The following CYFIP1 variants were observed in gnomAD, a reference collection of about 807,000 sequenced individuals.
CYFIP1 encodes cytoplasmic FMR1-interacting protein 1.
CYFIP1 carries 58 observed loss-of-function variants against 163.5 expected under a neutral mutation model. The ratio of observed to expected loss-of-function variants is 0.35; its 90% confidence interval spans 0.29 to 0.44. The LOEUF (loss-of-function observed/expected upper bound fraction) is 0.44, where lower values mean the gene tolerates loss of function less well. CYFIP1 is among the 20% of genes least tolerant of loss of function. The pLI, the probability that CYFIP1 is intolerant of heterozygous loss-of-function variation, is 1.00. For missense variants in CYFIP1, 1,338 were observed against 1,653.8 expected (o/e 0.81, Z 3.31); for synonymous variants, 663 against 660.7 (o/e 1.00, Z -0.05).
At chr15:22,975,072 G>A (rs2063220226) in intron 1 of CYFIP1, among the ~76,000 whole-genome samples, 1 of 152,040 alleles carries the variant, frequency 6.6e-6, no homozygotes, top group Admixed American at 6.6e-5. Flanking sequence ...TCTTCCTCAT[G>A]ATTTTCTTAA....
At chr15:22,881,238 C>T (rs1199255392) in intron 25 of CYFIP1, among the ~76,000 whole-genome samples, 1 of 152,224 alleles carries the variant, frequency 6.6e-6, no homozygotes, top group South Asian at 2.1e-4. Context: ...CTTTACAACA[C>T]AAGGCTAGTG....
intron 23 of CYFIP1, among the ~76,000 whole-genome samples, chr15:22,889,522 A>C (rs1044651436): frequency 6.6e-6 from 1 of 152,170 alleles, no homozygotes; most frequent in Non-Finnish European, 1.5e-5. Context: ...CAAAGATGTC[A>C]CCACAGTGCT....
rs74003079 is a variant in CYFIP1 at position 22,895,840 on chromosome 15, G to C, written c.2589-2863C>G. Reference sequence around the variant, plus strand: ...CACCACAGCCCAAGTGAGCGCCCCTGGCTGGCAGTACCCTGAGGAGCGTCC... The same window carrying C: ...CACCACAGCCCAAGTGAGCGCCCCTCGCTGGCAGTACCCTGAGGAGCGTCC... On this transcript the variant is annotated intron_variant, in intron 22 of 30. Transcript: ENST00000617928. Among the ~76,000 whole-genome samples, 1,112 of 152,310 alleles carry C rather than the reference G, an allele frequency of 7.3e-3. 11 individuals carry two copies. The highest frequency in any genetic ancestry group is 0.025 in the African/African-American group (1,045 of 41,556).
chr15:22,943,948 G>A lies in CYFIP1; in HGVS notation c.388-594C>T, dbSNP rs561383432. Among the ~76,000 whole-genome samples the A allele has an allele frequency of 2.0e-4, 31 of 152,214 alleles. No individual in the cohort carries two copies. In the South Asian group the frequency reaches 6.4e-3, roughly 32 times the overall value. ...CCTGAAAGAGCAGACGAAAACAAAAGTACAAATTGGCCAGGCGTGGTGGCT... is the reference window on the plus strand; with the variant it reads ...CCTGAAAGAGCAGACGAAAACAAAAATACAAATTGGCCAGGCGTGGTGGCT... On this transcript the variant is annotated intron_variant, in intron 5 of 30. Transcript: ENST00000617928.
At chr15:22,870,527 G>A (rs897226930) in intron 30 of CYFIP1, among the ~76,000 whole-genome samples, 5 of 152,060 alleles carry the variant, frequency 3.3e-5, no homozygotes, top group Admixed American at 6.6e-5. Context: ...GTCCAGGATG[G>A]TCTTGAACTC....
At chr15:22,945,564 C>T (rs533192667) in intron 3 of CYFIP1, among the ~76,000 whole-genome samples, 3 of 150,754 alleles carry the variant, frequency 2.0e-5, no homozygotes, top group East Asian at 1.9e-4. Flanking sequence ...TTTAGTGAGA[C>T]GTTCATCACA....
intron 1 of CYFIP1, chr15:22,947,881 G>A (rs1279183478): frequency 1.1e-6 from 1 of 948,662 alleles, no homozygotes; most frequent in Non-Finnish European, 1.3e-6. Context: ...CAGAGGTGCA[G>A]AAATGAAGGC....
At chr15:22,887,142 G>C (rs187680790) in intron 23 of CYFIP1, among the ~76,000 whole-genome samples, 1 of 152,208 alleles carries the variant, frequency 6.6e-6, no homozygotes, top group Non-Finnish European at 1.5e-5. Context: ...ATCCTGCTTT[G>C]TACCCCTTTG....
intron 11 of CYFIP1, among the ~76,000 whole-genome samples, chr15:22,930,287 G>A (rs1440008192): frequency 1.3e-5 from 2 of 151,082 alleles, no homozygotes; most frequent in Non-Finnish European, 3.0e-5. Flanking sequence ...CCAGCTACTC[G>A]GGAGGCTGAG....
rs200197142 is a variant in CYFIP1 at position 22,917,954 on chromosome 15, G to T, written c.1527-19C>A. 7 of 1,608,530 alleles carry T rather than the reference G, an allele frequency of 4.4e-6. No homozygotes were observed. In the East Asian group the frequency reaches 1.6e-4, roughly 36 times the overall value. On this transcript the variant is annotated intron_variant, in intron 14 of 30. Coordinates refer to ENST00000617928, the MANE Select transcript of CYFIP1 (RefSeq NM_014608.6). This position sits in a 1 kb window ranked among gnomAD's most constrained non-coding sequence, Gnocchi z 4.2. ...CAGGACACTGAACACCCCACCAAGT[G>T]ATCAGCAAGGCCCAGAGGCCGAGAC...
intron 1 of CYFIP1, among the ~76,000 whole-genome samples, chr15:22,978,352 C>CAAAAAAAAAAAAAAAAAAAAAAAAAAAAA (rs397976366): frequency 1.9e-5 from 1 of 52,764 alleles, no homozygotes; most frequent in Non-Finnish European, 3.4e-5. Context: ...GACTCTGTCA[C>CAAAAAAAAAAAAAAAAAAAAAAAAAAAAA]AAAAAAAAAA....
At chr15:22,913,074 T>C (rs1359683785) in intron 17 of CYFIP1, among the ~76,000 whole-genome samples, 2 of 146,882 alleles carry the variant, frequency 1.4e-5, no homozygotes, top group Non-Finnish European at 3.0e-5. Flanking sequence ...CGCATGCCTG[T>C]AGTCCCAGCT....
intron 26 of CYFIP1, among the ~76,000 whole-genome samples, chr15:22,876,870 A>G (rs1455464235): frequency 6.6e-6 from 1 of 151,854 alleles, no homozygotes; most frequent in Non-Finnish European, 1.5e-5. Flanking sequence ...AGCTTTTGAC[A>G]CTTTATCTTA....
chr15:22,969,521 C>T (rs2063018143), intron 1 of CYFIP1, among the ~76,000 whole-genome samples: 1 of 152,118 alleles, frequency 6.6e-6, no homozygotes. Context: ...AAATCTTGTC[C>T]CTGGAATGCT....
chr15:22,980,752 AGGACGCCCGTG>A (rs2063459924), upstream of CYFIP1, among the ~76,000 whole-genome samples: 1 of 152,080 alleles, frequency 6.6e-6, no homozygotes, highest in Non-Finnish European at 1.5e-5. Context: ...GGGGACACCC[AGGACGCCCGTG>A]TGGCGCCGCC....
intron 1 of CYFIP1, among the ~76,000 whole-genome samples, chr15:22,949,411 G>A (rs1307078659): frequency 6.6e-6 from 1 of 152,140 alleles, no homozygotes; most frequent in African/African-American, 2.4e-5. Context: ...GGGCAGAGGA[G>A]GAAAACAAAG....
intron 1 of CYFIP1, among the ~76,000 whole-genome samples, chr15:22,978,352 C>CACA (rs1555427889): frequency 1.9e-5 from 1 of 52,764 alleles, no homozygotes; most frequent in Non-Finnish European, 3.4e-5. Flanking sequence ...GACTCTGTCA[C>CACA]AAAAAAAAAA....
chr15:22,956,027 C>G (rs1007017449), intron 1 of CYFIP1, among the ~76,000 whole-genome samples: 1 of 151,958 alleles, frequency 6.6e-6, no homozygotes, highest in Non-Finnish European at 1.5e-5. Flanking sequence ...GCTAACATGG[C>G]GAAATACTTC....
At chr15:22,970,772 A>G (rs1336993598) in intron 1 of CYFIP1, among the ~76,000 whole-genome samples, 2 of 152,186 alleles carry the variant, frequency 1.3e-5, no homozygotes, top group African/African-American at 4.8e-5. Flanking sequence ...ATTACCTTAT[A>G]TAATATACAG....
Sources: gnomAD v4.1 joint callset for allele counts (sites outside exome capture counted in the v4.1 genomes callset) on GRCh38, gnomAD v4.1.1 for gene constraint, Gnocchi (gnomAD v3.1) non-coding constraint, MANE v1.5 for transcripts, NCBI Gene and HGNC (gene_info 2026-07-23, HGNC 2026-07-21) for gene names.